Variants in DNAH6 observed in about 807,000 individuals in gnomAD.
The protein encoded by DNAH6 is axonemal beta dynein heavy chain 6.
DNAH6 carries 340 observed loss-of-function variants against 491.4 expected under a neutral mutation model. The observed-to-expected ratio is 0.69, with a 90% confidence interval of 0.63 to 0.76. The LOEUF (loss-of-function observed/expected upper bound fraction) is 0.76. DNAH6 is among the 30% of genes least tolerant of loss of function. The probability of loss-of-function intolerance (pLI) is 0.00; values close to 1 mark genes in which losing one functional copy is unlikely to be tolerated. For synonymous variants in DNAH6, 1,603 were observed against 1,686.1 expected (o/e 0.95, Z 1.21); for missense variants, 4,443 against 4,972.2 (o/e 0.89, Z 3.20).
Position 84,547,553 on chromosome 2 carries a change from G to A in DNAH6, c.1127G>A (p.Arg376Gln), listed in dbSNP as rs966457262. The A allele has an allele frequency of 6.4e-6, 10 of 1,551,674 alleles. No individual in the cohort carries two copies. The highest frequency in any genetic ancestry group is 1.7e-4 in the Middle Eastern group (1 of 6,012). ...EAKYVVRRAC[R>Q]FALRAAGFVP... ...AAATATGTAGTCAGGAGGGCTTGTC[G>A]ATTTGCTTTGCGTGCTGCAGGATTT... The change falls in exon 7 of 77, where the codon CGA (arginine) becomes CAA (glutamine). Residue 376 changes from arginine (R) to glutamine (Q), a missense_variant. By Grantham distance (43) the Arg-to-Gln change is conservative (BLOSUM62 1). Transcript: ENST00000389394.
intron 22 of DNAH6, among the ~76,000 whole-genome samples, chr2:84,615,563 C>G (rs1345446949): frequency 7.1e-6 from 1 of 140,312 alleles, no homozygotes. Context: ...ATTTTTCTAA[C>G]TCTGTGAAGA....
chr2:84,666,349 A>G (rs1692123947), intron 37 of DNAH6, among the ~76,000 whole-genome samples: 1 of 152,176 alleles, frequency 6.6e-6, no homozygotes. Flanking sequence ...ATATTTAGAA[A>G]ATCCCATCGT....
intron 57 of DNAH6, among the ~76,000 whole-genome samples, chr2:84,714,392 G>T (rs985108402): frequency 5.3e-5 from 8 of 152,128 alleles, no homozygotes; most frequent in Non-Finnish European, 1.2e-4. Context: ...CACTGCCAGG[G>T]CTCATGTCCC....
At chr2:84,595,903 G>GA (rs1558770167) in intron 18 of DNAH6, 114 bp downstream of exon 18, 28 of 1,147,250 alleles carry the variant, frequency 2.4e-5, no homozygotes, top group Middle Eastern at 2.0e-4. Context: ...TTTGCAGACA[G>GA]AAAAAACAAT....
At chr2:84,786,442 A>AAG (rs990585358) in intron 67 of DNAH6, among the ~76,000 whole-genome samples, 12 of 149,030 alleles carry the variant, frequency 8.1e-5, no homozygotes, top group African/African-American at 2.5e-4. Context: ...AAAAAAAAAA[A>AAG]AAAGAAAAGA....
intron 13 of DNAH6, among the ~76,000 whole-genome samples, chr2:84,577,738 G>A (rs1682605347): frequency 6.7e-6 from 1 of 149,514 alleles, no homozygotes; most frequent in Admixed American, 6.7e-5. Context: ...GTTGATTCTA[G>A]ACCACCGAGA....
At chr2:84,765,349 G>T (rs1674979621) in intron 64 of DNAH6, among the ~76,000 whole-genome samples, 2 of 151,998 alleles carry the variant, frequency 1.3e-5, no homozygotes, top group South Asian at 4.1e-4. Flanking sequence ...AATATGCGTT[G>T]TATTAACTTC....
chr2:84,619,657 T>G, intron 23 of DNAH6, 28 bp from the exon 24 acceptor site: 1 of 1,533,482 alleles, frequency 6.5e-7, no homozygotes, highest in Non-Finnish European at 8.8e-7. Context: ...CATTTCAAGT[T>G]ATATTTTAAG....
chr2:84,796,087 A>T (rs1458506289), intron 68 of DNAH6, among the ~76,000 whole-genome samples: 1 of 152,230 alleles, frequency 6.6e-6, no homozygotes, highest in Non-Finnish European at 1.5e-5. Context: ...TAAAACAGCA[A>T]AATAATGAGA....
intron 5 of DNAH6, among the ~76,000 whole-genome samples, chr2:84,546,288 A>T (rs1678779725): frequency 6.6e-6 from 1 of 152,142 alleles, no homozygotes; most frequent in Admixed American, 6.6e-5. Flanking sequence ...TTTGCATATA[A>T]CCTACAAAAA....
Position 84,681,517 on chromosome 2 carries a change from A to T in DNAH6, c.6905A>T (p.Lys2302Ile). The change falls in exon 42 of 77, where the codon AAA (lysine) becomes ATA (isoleucine). Residue 2302 changes from lysine (K) to isoleucine (I), a missense_variant. Physicochemically the swap from Lys to Ile is moderately radical, Grantham distance 102. Transcript: ENST00000389394. ...GTCTTTAACTTGAGGGACTTATCCA[A>T]ATGTGTGCAAGGTAGTGTACTGAAC... ...HYVFNLRDLS[K>I]CVQGILQCDP... is the part of the protein sequence containing the mutation. 1 of 1,546,872 alleles carries T rather than the reference A, an allele frequency of 6.5e-7. No homozygotes were observed. The highest frequency in any genetic ancestry group is 1.4e-5 in the African/African-American group (1 of 72,908).
intron 14 of DNAH6, among the ~76,000 whole-genome samples, chr2:84,583,708 T>C (rs932515609): frequency 1.3e-5 from 2 of 152,208 alleles, no homozygotes; most frequent in Non-Finnish European, 2.9e-5. Context: ...GATGGTCTTA[T>C]AAATGGGAGT....
At chr2:84,546,597 A>G (rs189601286) in intron 5 of DNAH6, among the ~76,000 whole-genome samples, 1 of 152,270 alleles carries the variant, frequency 6.6e-6, no homozygotes, top group African/African-American at 2.4e-5. Context: ...AGCATTTTTA[A>G]AAGTTGGCAA....
Position 84,715,629 on chromosome 2 carries a change from T to TAAAAAA in DNAH6, c.9611+4_9611+9dup. 6.4e-7 allele frequency: 1 copy of TAAAAAA among 1,551,008 alleles called. No homozygotes were observed. Reference sequence around the variant, plus strand: ...AGGCCTGGAGGATCAGTTGTTAAGGTAAAAAAACAGGGAGTTGAGGGGAGG... The same window carrying TAAAAAA: ...AGGCCTGGAGGATCAGTTGTTAAGGTAAAAAAAAAAAAACAGGGAGTTGAGGGGAGG... On this transcript the variant is annotated splice_region_variant and intron_variant, in intron 58 of 76. Transcript: ENST00000389394.
At chr2:84,715,292 G>A (rs1003574686) in intron 57 of DNAH6, among the ~76,000 whole-genome samples, 5 of 152,094 alleles carry the variant, frequency 3.3e-5, no homozygotes, top group Non-Finnish European at 5.9e-5. Context: ...GCTTTTAATC[G>A]TTCGCTGGCT....
chr2:84,564,989 AT>A (rs1304059842), intron 11 of DNAH6, among the ~76,000 whole-genome samples: 1 of 152,158 alleles, frequency 6.6e-6, no homozygotes, highest in Non-Finnish European at 1.5e-5. Context: ...GGTGAATCAC[AT>A]TTATTGATTT....
the DNAH6 span, among the ~76,000 whole-genome samples, chr2:84,464,966 C>T: frequency 1.2e-4 from 19 of 152,138 alleles, no homozygotes; most frequent in Middle Eastern, 6.8e-3. Flanking sequence ...TGACATTTCC[C>T]CCCTCCCTTT....
intron 29 of DNAH6, among the ~76,000 whole-genome samples, chr2:84,633,742 A>G (rs1688613301): frequency 1.4e-5 from 2 of 145,546 alleles, no homozygotes; most frequent in Non-Finnish European, 3.0e-5. Flanking sequence ...CCTTTCCATT[A>G]TGTTTTTATC....
intron 18 of DNAH6, among the ~76,000 whole-genome samples, chr2:84,596,744 A>C (rs187251247): frequency 3.3e-5 from 5 of 152,310 alleles, no homozygotes; most frequent in Admixed American, 2.6e-4. Context: ...CCAGCTTGAA[A>C]AGAGTGTTAT....
Sources: gnomAD v4.1 joint callset for allele counts (sites outside exome capture counted in the v4.1 genomes callset) on GRCh38, gnomAD v4.1.1 for gene constraint, MANE v1.5 for transcripts, NCBI Gene and HGNC (gene_info 2026-07-23, HGNC 2026-07-21) for gene names.